DNM3: variants seen among roughly 807,000 people sequenced by gnomAD.
DNM3 encodes dynamin-3.
In DNM3, 47 loss-of-function variants were observed where a neutral mutation model predicts 101.6. The observed-to-expected ratio is 0.46, with a 90% confidence interval of 0.37 to 0.59. DNM3 has a LOEUF of 0.59. Among genes scored for constraint, DNM3 ranks in the 20% least tolerant of loss-of-function variants. DNM3 has a pLI of 0.00. For synonymous variants in DNM3, 385 were observed against 387.9 expected (o/e 0.99, Z 0.09); for missense variants, 849 against 1,085.7 (o/e 0.78, Z 3.06).
At chr1:172,290,017 T>A (rs1037629196) in intron 15 of DNM3, 1 of 919,820 alleles carries the variant, frequency 1.1e-6, no homozygotes, top group Non-Finnish European at 1.3e-6. Context: ...TAATTTGTGA[T>A]AATGTAAGAT....
At chr1:172,387,105 T>A in intron 18 of DNM3, 28 bp from the exon 19 acceptor site, 1 of 1,581,528 alleles carries the variant, frequency 6.3e-7, no homozygotes. Context: ...TTTATTCCCA[T>A]TTTTATTTCT....
chr1:172,231,576 G>A lies in DNM3; in HGVS notation c.1660-21997G>A, dbSNP rs2061338697. On this transcript the variant is annotated intron_variant, in intron 14 of 20. Transcript: ENST00000627582. ...AGGAACACAGCTCCTCACCAGCAAT[G>A]GAACAAAGCTGGATGGAGAATGACT... Among the ~76,000 whole-genome samples, 3 of 152,152 alleles carry A rather than the reference G, an allele frequency of 2.0e-5. 1 individual carries two copies. In the South Asian group the frequency reaches 6.2e-4, roughly 32 times the overall value.
At chr1:171,920,727 A>C (rs2040093133) in intron 1 of DNM3, among the ~76,000 whole-genome samples, 1 of 152,224 alleles carries the variant, frequency 6.6e-6, no homozygotes, top group African/African-American at 2.4e-5. Context: ...ATGTAATATT[A>C]TGTAGTACTA....
chr1:172,398,872 G>T (rs903594311), intron 20 of DNM3, among the ~76,000 whole-genome samples: 1 of 152,164 alleles, frequency 6.6e-6, no homozygotes, highest in African/African-American at 2.4e-5. Flanking sequence ...TTTAAAATGT[G>T]GGTGTACCAT....
chr1:172,083,212 T>C (rs1055422910), intron 12 of DNM3, among the ~76,000 whole-genome samples: 1 of 152,178 alleles, frequency 6.6e-6, no homozygotes, highest in Non-Finnish European at 1.5e-5. Context: ...TTTTTCCAGG[T>C]TTCCTCCACA....
chr1:171,936,385 G>A (rs957588400), intron 2 of DNM3, among the ~76,000 whole-genome samples: 1 of 125,526 alleles, frequency 8.0e-6, no homozygotes, highest in Admixed American at 8.0e-5. Flanking sequence ...GTTACTGTTG[G>A]CGGGTTATAA....
intron 14 of DNM3, among the ~76,000 whole-genome samples, chr1:172,234,223 C>A (rs2061447238): frequency 6.6e-6 from 1 of 152,128 alleles, no homozygotes; most frequent in African/African-American, 2.4e-5. Context: ...GTGCAAAAAT[C>A]ACAAGCATTC....
chr1:171,845,102 C>T (rs1307393026), intron 1 of DNM3, among the ~76,000 whole-genome samples: 1 of 152,096 alleles, frequency 6.6e-6, no homozygotes, highest in African/African-American at 2.4e-5. Context: ...AATATAAAAA[C>T]AGTGGAGCTA....
At chr1:171,927,856 C>T (rs1001250529) in intron 2 of DNM3, among the ~76,000 whole-genome samples, 1 of 152,174 alleles carries the variant, frequency 6.6e-6, no homozygotes, top group African/African-American at 2.4e-5. Context: ...ACCAGCCTAG[C>T]CTGGTTAAGA....
intron 18 of DNM3, among the ~76,000 whole-genome samples, chr1:172,382,668 C>G (rs561004211): frequency 1.3e-4 from 20 of 152,226 alleles, no homozygotes; most frequent in Non-Finnish European, 2.4e-4. Flanking sequence ...CTCCTACCCC[C>G]ACAGGGTATT....
chr1:172,248,012 CTCTTT>C (rs2148670076), intron 14 of DNM3, among the ~76,000 whole-genome samples: 1 of 152,140 alleles, frequency 6.6e-6, no homozygotes, highest in African/African-American at 2.4e-5. Context: ...CTAATATAAT[CTCTTT>C]TAAGTTCTAC....
chr1:172,414,359 C>A (rs2071351915), downstream of DNM3, among the ~76,000 whole-genome samples: 1 of 152,202 alleles, frequency 6.6e-6, no homozygotes, highest in South Asian at 2.1e-4. Flanking sequence ...ATAAGTTTTA[C>A]ATACACATAC....
At chr1:172,183,794 T>C (rs2059428753) in intron 14 of DNM3, among the ~76,000 whole-genome samples, 1 of 130,798 alleles carries the variant, frequency 7.6e-6, no homozygotes, top group African/African-American at 3.3e-5. Flanking sequence ...TTTTTTTTTT[T>C]TTTGTAGAAA....
chr1:172,396,021 G>T (rs527551530), intron 20 of DNM3, among the ~76,000 whole-genome samples: 1 of 152,238 alleles, frequency 6.6e-6, no homozygotes, highest in South Asian at 2.1e-4. Flanking sequence ...GTCTAAAGCC[G>T]CTAGGTATTT....
In DNM3 at chr1:172,371,872, T is replaced by A. The variant is rs575597398; in HGVS notation, c.1894-7146T>A. Among the ~76,000 whole-genome samples the A allele has an allele frequency of 3.4e-3, 506 of 147,738 alleles. 2 individuals carry two copies. Among genetic ancestry groups the A allele is most frequent in the African/African-American group, 0.012 (477 of 39,766 alleles). ...TATTTTTATTTATTTTTATTTTTAT[T>A]TTTTATTTTTTTTACTTTTTTATTT... On this transcript the variant is annotated intron_variant, in intron 17 of 20. Coordinates refer to ENST00000627582, the MANE Select transcript of DNM3 (RefSeq NM_015569.5).
At chr1:172,402,112 G>C (rs1011140243) in intron 20 of DNM3, among the ~76,000 whole-genome samples, 1 of 152,040 alleles carries the variant, frequency 6.6e-6, no homozygotes, top group African/African-American at 2.4e-5. Context: ...GAGTAATCTT[G>C]GTTCATAGAA....
chr1:172,057,612 A>G (rs1044226811), intron 10 of DNM3, among the ~76,000 whole-genome samples: 10 of 152,158 alleles, frequency 6.6e-5, no homozygotes, highest in Non-Finnish European at 1.3e-4. Context: ...TAAATGAAGG[A>G]GAAATAAAAT....
At chr1:172,269,471 C>A (rs1358251079) in intron 15 of DNM3, among the ~76,000 whole-genome samples, 1 of 152,078 alleles carries the variant, frequency 6.6e-6, no homozygotes, top group African/African-American at 2.4e-5. Flanking sequence ...AAAATATGAT[C>A]AATTCTAAGA....
At position 172,141,921 on chromosome 1, in the gene DNM3, C is replaced by T. The variant is rs562613503; in HGVS notation, c.1659+10633C>T. On this transcript the variant is annotated intron_variant, in intron 14 of 20. Coordinates refer to ENST00000627582, the MANE Select transcript of DNM3 (RefSeq NM_015569.5). Reference sequence around the variant, plus strand: ...CCACCGTTTTAGATTGATCCTTTTCCAGTTAAGAAATTGTGGTGTTGAAGC... The same window carrying T: ...CCACCGTTTTAGATTGATCCTTTTCTAGTTAAGAAATTGTGGTGTTGAAGC... 1.5e-3 allele frequency among the ~76,000 whole-genome samples: 232 copies of T among 152,104 alleles called. 1 individual carries two copies. Among genetic ancestry groups the T allele is most frequent in the African/African-American group, 5.4e-3 (226 of 41,528 alleles).
Sources: allele counts gnomAD v4.1 joint callset (sites outside exome capture counted in the v4.1 genomes callset), GRCh38; gene constraint gnomAD v4.1.1; transcripts MANE v1.5; gene names NCBI Gene and HGNC (gene_info 2026-07-23, HGNC 2026-07-21).